GPBP1: variants seen among roughly 807,000 people sequenced by gnomAD.
GPBP1 encodes the protein GC-rich promoter binding protein 1.
A neutral mutation model predicts 56.5 loss-of-function variants in GPBP1; 13 were observed. The ratio of observed to expected loss-of-function variants is 0.23; its 90% CI spans 0.15 to 0.37. The LOEUF (loss-of-function observed/expected upper bound fraction) is 0.37, where lower values mean the gene tolerates loss of function less well. Among genes scored for constraint, GPBP1 ranks in the 10% least tolerant of loss-of-function variants. The pLI is 1.00. For synonymous variants in GPBP1, 204 were observed against 188.9 expected, an observed-to-expected ratio of 1.08 and a Z score of -0.66; for missense variants, 477 against 572.3, an observed-to-expected ratio of 0.83 and a Z score of 1.70.
chr5:57,222,584 A>G (rs1395210022), intron 3 of GPBP1, among the ~76,000 whole-genome samples: 1 of 152,066 alleles, frequency 6.6e-6, no homozygotes, highest in Non-Finnish European at 1.5e-5. Flanking sequence ...TAGGAAATTC[A>G]TCTCTTTTTA....
intron 8 of GPBP1, among the ~76,000 whole-genome samples, chr5:57,248,685 C>T (rs1365716094): frequency 3.9e-5 from 6 of 152,046 alleles, no homozygotes; most frequent in Admixed American, 2.0e-4. Flanking sequence ...CCGCCCGCCT[C>T]GGCCTCCCAA....
chr5:57,219,375 C>CAAAAAAAAAAAAAAAAAA (rs869152603), intron 3 of GPBP1, among the ~76,000 whole-genome samples: 1 of 35,318 alleles, frequency 2.8e-5, no homozygotes, highest in Non-Finnish European at 5.0e-5. Flanking sequence ...GACTCTGTCT[C>CAAAAAAAAAAAAAAAAAA]AAAAAAAAAA....
At chr5:57,229,660 G>A (rs963684385) in intron 3 of GPBP1, among the ~76,000 whole-genome samples, 3 of 151,656 alleles carry the variant, frequency 2.0e-5, no homozygotes, top group Non-Finnish European at 2.9e-5. Flanking sequence ...TCAGCCTCCC[G>A]AGTAGCTGGA....
chr5:57,246,542 T>G (rs926719875), intron 7 of GPBP1, 58 bp downstream of exon 7: 8 of 1,373,014 alleles, frequency 5.8e-6, no homozygotes, highest in Non-Finnish European at 5.0e-6. Context: ...TTATGTCCTA[T>G]GGGGGGAAAT....
chr5:57,246,744 T>C (rs1375611837), intron 7 of GPBP1, among the ~76,000 whole-genome samples: 1 of 151,942 alleles, frequency 6.6e-6, no homozygotes, highest in Non-Finnish European at 1.5e-5. Context: ...ATATATTTGC[T>C]TAATGATAAT....
At chr5:57,215,098 C>A (rs951644210) in intron 3 of GPBP1, among the ~76,000 whole-genome samples, 1 of 152,206 alleles carries the variant, frequency 6.6e-6, no homozygotes, top group African/African-American at 2.4e-5. Flanking sequence ...AACAGAGCAT[C>A]TTACCTTTTT....
At chr5:57,247,286 T>A in intron 8 of GPBP1, 71 bp downstream of exon 8, 2 of 1,200,076 alleles carry the variant, frequency 1.7e-6, no homozygotes, top group Non-Finnish European at 2.3e-6. Context: ...GAATAAAAGG[T>A]AGAAATTCAT....
At chr5:57,261,536 G>A (rs1416208051) in intron 11 of GPBP1, among the ~76,000 whole-genome samples, 1 of 152,132 alleles carries the variant, frequency 6.6e-6, no homozygotes, top group African/African-American at 2.4e-5. Flanking sequence ...CACTGCACCT[G>A]GTTGAATTGA....
chr5:57,189,901 G>T (rs764200420), intron 2 of GPBP1, among the ~76,000 whole-genome samples: 2 of 152,054 alleles, frequency 1.3e-5, no homozygotes, highest in African/African-American at 2.4e-5. Context: ...CTCAATTTTA[G>T]CTCAAACCTA....
At chr5:57,183,663 G>A (rs188736298) in intron 2 of GPBP1, among the ~76,000 whole-genome samples, 8 of 152,060 alleles carry the variant, frequency 5.3e-5, no homozygotes, top group Non-Finnish European at 1.2e-4. Flanking sequence ...AAAGAATTAC[G>A]ATGAAAGTGT....
At chr5:57,230,366 A>G (rs779581758) in intron 3 of GPBP1, among the ~76,000 whole-genome samples, 3 of 152,166 alleles carry the variant, frequency 2.0e-5, no homozygotes, top group African/African-American at 7.2e-5. Flanking sequence ...TGGAATACTT[A>G]TTGTACATTC....
chr5:57,221,573 T>C (rs1755960469), intron 3 of GPBP1, among the ~76,000 whole-genome samples: 1 of 152,210 alleles, frequency 6.6e-6, no homozygotes, highest in African/African-American at 2.4e-5. Context: ...ATGAATGGTA[T>C]AAAATAGAAA....
At chr5:57,248,636 GT>G in intron 8 of GPBP1, among the ~76,000 whole-genome samples, 1 of 151,892 alleles carries the variant, frequency 6.6e-6, no homozygotes, top group East Asian at 1.9e-4. Flanking sequence ...GGGTTTCACC[GT>G]TTTAGCCGGG....
Position 57,210,813 on chromosome 5 carries a change from G to A in GPBP1, c.-57-3261G>A, listed in dbSNP as rs538368255. Among the ~76,000 whole-genome samples the A allele has an allele frequency of 2.0e-5, 3 of 152,246 alleles. No individual in the cohort carries two copies. In the South Asian group the frequency reaches 6.2e-4, roughly 32 times the overall value. On this transcript the variant is annotated intron_variant, in intron 2 of 11. Transcript: ENST00000506184. ...TTGGCTTGTAAATGACTGCCTGCTT[G>A]CTGCCTCTTCACATGGTCCTTTTAT... is the stretch of plus-strand genomic sequence containing the variant.
At chr5:57,245,867 TTGTAAG>T (rs1358688482) in intron 6 of GPBP1, 12 of 152,846 alleles carry the variant, frequency 7.9e-5, no homozygotes, top group African/African-American at 2.9e-4. Context: ...GGTAATAACT[TTGTAAG>T]TGGAGTAAAA....
At chr5:57,189,962 C>T (rs184149952) in intron 2 of GPBP1, among the ~76,000 whole-genome samples, 99 of 152,286 alleles carry the variant, frequency 6.5e-4, no homozygotes, top group Non-Finnish European at 1.1e-3. Flanking sequence ...CCACTCTATT[C>T]AATACTTTGA....
At chr5:57,245,026 C>T (rs13361595) in intron 6 of GPBP1, among the ~76,000 whole-genome samples, 3,942 of 152,248 alleles carry the variant, frequency 0.026, 152 homozygotes, top group African/African-American at 0.089. Flanking sequence ...TAAGCCATCA[C>T]GCGCAGCCTG....
chr5:57,176,761 C>T (rs1753804528), intron 2 of GPBP1, among the ~76,000 whole-genome samples: 1 of 152,154 alleles, frequency 6.6e-6, no homozygotes, highest in South Asian at 2.1e-4. Context: ...ACGTGTCTTC[C>T]TAGCCAGTTT....
chr5:57,200,318 A>G (rs1002944352), intron 2 of GPBP1, among the ~76,000 whole-genome samples: 4 of 151,376 alleles, frequency 2.6e-5, no homozygotes, highest in African/African-American at 7.3e-5. Flanking sequence ...AAAACAAAAC[A>G]TAAAGCATTG....
Sources: allele counts gnomAD v4.1 joint callset (sites outside exome capture counted in the v4.1 genomes callset), GRCh38; gene constraint gnomAD v4.1.1; transcripts MANE v1.5; gene names NCBI Gene and HGNC (gene_info 2026-07-23, HGNC 2026-07-21).